MYO3A: variants seen among roughly 807,000 people sequenced by gnomAD.
MYO3A encodes myosin IIIA.
A neutral mutation model predicts 192.7 loss-of-function variants in MYO3A; 180 were observed. The ratio of observed to expected loss-of-function variants is 0.93; its 90% CI spans 0.83 to 1.06. The LOEUF (loss-of-function observed/expected upper bound fraction) is 1.06, where lower values mean the gene tolerates loss of function less well. Among genes scored for constraint, MYO3A ranks in the 50% least tolerant of loss-of-function variants. MYO3A has a pLI of 0.00. For missense variants in MYO3A, 1,896 were observed against 1,905.0 expected, an observed-to-expected ratio of 1.00 and a Z score of 0.09; for synonymous variants, 628 against 645.3, an observed-to-expected ratio of 0.97 and a Z score of 0.41.
At chr10:26,084,944 T>A (rs1836215774) in intron 14 of MYO3A, among the ~76,000 whole-genome samples, 1 of 152,180 alleles carries the variant, frequency 6.6e-6, no homozygotes, top group South Asian at 2.1e-4. Context: ...ATTTCTTTAT[T>A]TGTTTTTGGT....
chr10:25,938,039 T>C (rs1836220531), intron 2 of MYO3A, among the ~76,000 whole-genome samples: 1 of 152,234 alleles, frequency 6.6e-6, no homozygotes, highest in African/African-American at 2.4e-5. Context: ...GTTTGGCGAT[T>C]CAGACTAGTG....
At chr10:26,092,263 T>C (rs557943956) in intron 15 of MYO3A, among the ~76,000 whole-genome samples, 5 of 152,148 alleles carry the variant, frequency 3.3e-5, no homozygotes, top group African/African-American at 9.6e-5. Flanking sequence ...GTCAGGAGAT[T>C]GAGACCATCC....
chr10:25,953,537 A>G (rs114003765), intron 3 of MYO3A, among the ~76,000 whole-genome samples: 2,239 of 152,134 alleles, frequency 0.015, 49 homozygotes, highest in African/African-American at 0.05. Context: ...AAGTGACTAT[A>G]CCTCTCTTTC....
intron 23 of MYO3A, among the ~76,000 whole-genome samples, chr10:26,147,887 C>A (rs903720055): frequency 6.6e-6 from 1 of 152,094 alleles, no homozygotes; most frequent in African/African-American, 2.4e-5. Flanking sequence ...TTGGATGATT[C>A]TTTGAGGTTC....
At chr10:25,959,218 A>G (rs1837760304) in intron 4 of MYO3A, among the ~76,000 whole-genome samples, 1 of 152,006 alleles carries the variant, frequency 6.6e-6, no homozygotes, top group East Asian at 1.9e-4. Flanking sequence ...ATAGGAGTGT[A>G]TGTTTTTTGT....
At chr10:26,043,585 C>T (rs1189991714) in intron 10 of MYO3A, among the ~76,000 whole-genome samples, 1 of 152,170 alleles carries the variant, frequency 6.6e-6, no homozygotes, top group Non-Finnish European at 1.5e-5. Flanking sequence ...AGCTTCACCC[C>T]ATGGTCACCA....
At chr10:26,025,284 G>T (rs11014916) in intron 9 of MYO3A, among the ~76,000 whole-genome samples, 1 of 151,822 alleles carries the variant, frequency 6.6e-6, no homozygotes, top group Non-Finnish European at 1.5e-5. Flanking sequence ...TAGAAATGGC[G>T]CTACTCAAGC....
At chr10:26,005,547 CT>C (rs764899728) in intron 6 of MYO3A, among the ~76,000 whole-genome samples, 27 of 152,090 alleles carry the variant, frequency 1.8e-4, no homozygotes, top group Non-Finnish European at 7.4e-5. Context: ...GGGGAATATC[CT>C]TGTTTGTGGC....
chr10:25,947,647 C>T (rs1017308420), intron 2 of MYO3A, among the ~76,000 whole-genome samples: 78 of 152,218 alleles, frequency 5.1e-4, no homozygotes, highest in East Asian at 5.8e-4. Context: ...CCCACCTCTA[C>T]CTCCCAAAGT....
At chr10:26,082,919 A>G (rs1034182328) in intron 14 of MYO3A, among the ~76,000 whole-genome samples, 9 of 152,162 alleles carry the variant, frequency 5.9e-5, no homozygotes, top group Admixed American at 1.3e-4. Flanking sequence ...AATGCCTTTT[A>G]ATCTTAACTG....
intron 4 of MYO3A, among the ~76,000 whole-genome samples, chr10:25,983,663 A>G (rs551400029): frequency 1.5e-4 from 23 of 152,350 alleles, no homozygotes; most frequent in African/African-American, 5.0e-4. Context: ...AGAGAAATCT[A>G]AAAGTTTGGA....
intron 4 of MYO3A, among the ~76,000 whole-genome samples, chr10:25,982,386 A>G (rs1839390219): frequency 6.6e-6 from 1 of 152,082 alleles, no homozygotes; most frequent in Non-Finnish European, 1.5e-5. Context: ...CACCTGAGAA[A>G]CCTGAATACC....
intron 10 of MYO3A, among the ~76,000 whole-genome samples, chr10:26,046,472 T>G (rs570153077): frequency 1.3e-3 from 204 of 152,318 alleles, no homozygotes; most frequent in African/African-American, 4.6e-3. Flanking sequence ...TCTATTCATA[T>G]CATATTCCAC....
chr10:26,128,293 G>A, intron 19 of MYO3A, 98 bp from the exon 20 acceptor site: 1 of 1,290,676 alleles, frequency 7.7e-7, no homozygotes, highest in East Asian at 2.3e-5. Context: ...TCTTATAGTA[G>A]TTTCTTAGCT....
intron 25 of MYO3A, among the ~76,000 whole-genome samples, chr10:26,155,666 G>A (rs573462703): frequency 3.9e-5 from 6 of 152,136 alleles, no homozygotes; most frequent in African/African-American, 7.2e-5. Flanking sequence ...TTTTAAGTCC[G>A]AAGCTCATAG....
chr10:25,952,553 A>G (rs1316562457), intron 3 of MYO3A, among the ~76,000 whole-genome samples: 1 of 152,126 alleles, frequency 6.6e-6, no homozygotes, highest in Non-Finnish European at 1.5e-5. Flanking sequence ...ACTGAATGTT[A>G]TTTTAGACAT....
intron 8 of MYO3A, chr10:26,022,594 AAAC>A (rs1842362507): frequency 1.3e-5 from 2 of 152,200 alleles, no homozygotes; most frequent in Non-Finnish European, 2.9e-5. Flanking sequence ...TTAAGTGGAG[AAAC>A]AACATTATGG....
At chr10:26,182,575 G>C (rs1842663681) in intron 31 of MYO3A, among the ~76,000 whole-genome samples, 1 of 152,136 alleles carries the variant, frequency 6.6e-6, no homozygotes, top group Non-Finnish European at 1.5e-5. Context: ...AAATGACTAT[G>C]AACAGTCAAT....
intron 9 of MYO3A, among the ~76,000 whole-genome samples, chr10:26,024,751 T>C (rs1842464507): frequency 6.6e-6 from 1 of 152,242 alleles, no homozygotes; most frequent in Non-Finnish European, 1.5e-5. Context: ...ACACAGATCC[T>C]CAATGGAACT....
Sources: allele counts gnomAD v4.1 joint callset (sites outside exome capture counted in the v4.1 genomes callset), GRCh38; gene constraint gnomAD v4.1.1; transcripts MANE v1.5; gene names NCBI Gene and HGNC (gene_info 2026-07-23, HGNC 2026-07-21).